Variants in MAF observed in about 807,000 individuals in gnomAD.
MAF encodes the protein MAF bZIP transcription factor, also known as transcription factor Maf.
In MAF, 10 loss-of-function variants were observed where a neutral mutation model predicts 22.0. The observed-to-expected ratio is 0.45, with a 90% CI of 0.28 to 0.77. The LOEUF (loss-of-function observed/expected upper bound fraction) is 0.77. MAF is among the 30% of genes least tolerant of loss of function. The probability of loss-of-function intolerance (pLI) is 0.12; values close to 1 mark genes in which losing one functional copy is unlikely to be tolerated. For synonymous variants in MAF, 337 were observed against 255.8 expected, an observed-to-expected ratio of 1.32 and a Z score of -3.03; for missense variants, 544 against 548.4, an observed-to-expected ratio of 0.99 and a Z score of 0.08.
At chr16:79,494,026 A>C in the MAF span, among the ~76,000 whole-genome samples, 1 of 152,180 alleles carries the variant, frequency 6.6e-6, no homozygotes, top group Non-Finnish European at 1.5e-5. Context: ...TGGTGACAGC[A>C]AATGAGAAAT....
the MAF span, among the ~76,000 whole-genome samples, chr16:79,502,078 T>G: frequency 5.9e-5 from 9 of 152,326 alleles, no homozygotes; most frequent in East Asian, 1.7e-3. Flanking sequence ...ACCGCTGCAA[T>G]TTTTAACTTC....
At chr16:79,487,851 G>A in the MAF span, among the ~76,000 whole-genome samples, 1 of 152,156 alleles carries the variant, frequency 6.6e-6, no homozygotes, top group Non-Finnish European at 1.5e-5. Flanking sequence ...ATGGTAAACA[G>A]CTCTGCTTTC....
At chr16:79,432,230 G>A in the MAF span, among the ~76,000 whole-genome samples, 73 of 152,198 alleles carry the variant, frequency 4.8e-4, no homozygotes, top group Non-Finnish European at 9.6e-4. Context: ...CTCTCCTGCC[G>A]CCCTGTGAAG....
At chr16:79,228,960 C>A in the MAF span, among the ~76,000 whole-genome samples, 1 of 151,796 alleles carries the variant, frequency 6.6e-6, no homozygotes, top group Admixed American at 6.6e-5. Context: ...GAATGAGGGG[C>A]CAAGATGGGC....
At chr16:79,538,523 T>A in the MAF span, among the ~76,000 whole-genome samples, 1 of 152,180 alleles carries the variant, frequency 6.6e-6, no homozygotes, top group Non-Finnish European at 1.5e-5. Context: ...AAAGAAAGAA[T>A]ATTAAACCTG....
At chr16:79,440,719 C>A in the MAF span, among the ~76,000 whole-genome samples, 2 of 152,230 alleles carry the variant, frequency 1.3e-5, no homozygotes, top group South Asian at 4.1e-4. Context: ...CCAACCTCAT[C>A]TAATTTCAAA....
At chr16:79,317,082 T>C in the MAF span, among the ~76,000 whole-genome samples, 2 of 152,020 alleles carry the variant, frequency 1.3e-5, no homozygotes, top group South Asian at 2.1e-4. Context: ...TTTTTGTTTC[T>C]CTCCCTCCTT....
At chr16:79,475,427 T>C in the MAF span, among the ~76,000 whole-genome samples, 1 of 151,882 alleles carries the variant, frequency 6.6e-6, no homozygotes, top group South Asian at 2.1e-4. Flanking sequence ...CAGGTCTATG[T>C]CCAGGATCTT....
the MAF span, among the ~76,000 whole-genome samples, chr16:79,254,047 A>C: frequency 6.7e-6 from 1 of 148,848 alleles, no homozygotes; most frequent in Non-Finnish European, 1.5e-5. Flanking sequence ...TTTATAAAAA[A>C]CTCTTTATAT....
chr16:79,511,838 C>G, the MAF span, among the ~76,000 whole-genome samples: 1 of 152,236 alleles, frequency 6.6e-6, no homozygotes, highest in Admixed American at 6.5e-5. Context: ...TCATCTCCAT[C>G]TAGCTTCAGA....
the MAF span, among the ~76,000 whole-genome samples, chr16:79,323,856 G>A: frequency 2.0e-5 from 3 of 152,216 alleles, no homozygotes; most frequent in South Asian, 2.1e-4. Context: ...TTGGGGGAAA[G>A]TGACCATGAA....
At chr16:79,519,425 G>A in the MAF span, among the ~76,000 whole-genome samples, 3 of 152,178 alleles carry the variant, frequency 2.0e-5, no homozygotes, top group Non-Finnish European at 2.9e-5. Flanking sequence ...TAAATAGAAT[G>A]CTACGGGGAG....
the MAF span, among the ~76,000 whole-genome samples, chr16:79,567,455 A>G: frequency 6.7e-6 from 1 of 149,902 alleles, no homozygotes; most frequent in African/African-American, 2.5e-5. Context: ...GATCCATAGA[A>G]GCCACAAGGC....
chr16:79,514,245 G>A, the MAF span, among the ~76,000 whole-genome samples: 3 of 152,222 alleles, frequency 2.0e-5, no homozygotes, highest in Non-Finnish European at 4.4e-5. Context: ...AAGGGACCTT[G>A]AACGCGCAGC....
the MAF span, chr16:79,205,155 C>T: frequency 6.6e-6 from 1 of 152,370 alleles, no homozygotes; most frequent in South Asian, 2.1e-4. Context: ...AGCTGCATGG[C>T]ACTCTTCCCC....
the MAF span, among the ~76,000 whole-genome samples, chr16:79,508,239 G>A: frequency 1.3e-5 from 2 of 152,194 alleles, no homozygotes; most frequent in African/African-American, 2.4e-5. Flanking sequence ...CAGGGAGGCC[G>A]CGTGGTGTCT....
chr16:79,475,926 T>C, the MAF span, among the ~76,000 whole-genome samples: 5 of 152,158 alleles, frequency 3.3e-5, no homozygotes, highest in Non-Finnish European at 7.3e-5. Flanking sequence ...TGATGGGATA[T>C]TATTCCTGTG....
At chr16:79,422,688 T>A in the MAF span, among the ~76,000 whole-genome samples, 1 of 152,158 alleles carries the variant, frequency 6.6e-6, no homozygotes, top group African/African-American at 2.4e-5. Flanking sequence ...TTCGGGTGAG[T>A]ATGATTTAAA....
chr16:79,305,782 A>G, the MAF span, among the ~76,000 whole-genome samples: 3 of 152,220 alleles, frequency 2.0e-5, no homozygotes, highest in Non-Finnish European at 1.5e-5. Flanking sequence ...GATGCACAGA[A>G]GAGCTGGAAA....
Sources: gnomAD v4.1 joint callset for allele counts (sites outside exome capture counted in the v4.1 genomes callset) on GRCh38, gnomAD v4.1.1 for gene constraint, MANE v1.5 for transcripts, NCBI Gene and HGNC (gene_info 2026-07-23, HGNC 2026-07-21) for gene names.